STS: variants seen among roughly 807,000 people sequenced by gnomAD.
STS encodes steroid sulfatase, also known as steryl-sulfatase.
In STS, 7 loss-of-function variants were observed where a neutral mutation model predicts 26.8. That is an observed-to-expected ratio of 0.26 (90% confidence interval 0.15 to 0.49). The LOEUF (loss-of-function observed/expected upper bound fraction) is 0.49, where lower values mean the gene tolerates loss of function less well. Among genes scored for constraint, STS ranks in the 20% least tolerant of loss-of-function variants. The probability of loss-of-function intolerance (pLI) is 0.98; values close to 1 mark genes in which losing one functional copy is unlikely to be tolerated. For missense variants in STS, 434 were observed against 465.6 expected, an observed-to-expected ratio of 0.93 and a Z score of 0.63; for synonymous variants, 199 against 189.4, an observed-to-expected ratio of 1.05 and a Z score of -0.42.
intron 9 of STS, among the ~76,000 whole-genome samples, chrX:7,327,713 G>A (rs769157376): frequency 9.0e-5 from 10 of 111,146 alleles, no homozygotes; most frequent in Admixed American, 4.8e-4. Context: ...TCACTGCAGG[G>A]TAAGCGTTGA....
chrX:7,171,135 G>A (rs767727388), intron 1 of STS, among the ~76,000 whole-genome samples: 1 of 111,583 alleles, frequency 9.0e-6, no homozygotes, highest in African/African-American at 3.3e-5. Context: ...GTCGCCACCT[G>A]TTGGTAGCTC....
intron 2 of STS, among the ~76,000 whole-genome samples, chrX:7,193,902 ATAT>A (rs758979587): frequency 1.2e-4 from 13 of 110,838 alleles, no homozygotes; most frequent in East Asian, 8.5e-4. Flanking sequence ...TAATAGGAAA[ATAT>A]TATTATTATT....
intron 1 of STS, among the ~76,000 whole-genome samples, chrX:7,169,659 A>C (rs957754470): frequency 8.9e-6 from 1 of 112,092 alleles, no homozygotes; most frequent in African/African-American, 3.2e-5. Flanking sequence ...CATTACAGAC[A>C]ATTCTCACCT....
At chrX:7,218,814 T>G (rs776789904) in intron 2 of STS, among the ~76,000 whole-genome samples, 2 of 112,114 alleles carry the variant, frequency 1.8e-5, no homozygotes, top group Non-Finnish European at 3.8e-5. Flanking sequence ...GCAACCTCTT[T>G]TTTTGTTTTG....
intron 6 of STS, among the ~76,000 whole-genome samples, chrX:7,268,329 A>C (rs1029491729): frequency 8.0e-5 from 9 of 111,953 alleles, no homozygotes; most frequent in African/African-American, 2.9e-4. Flanking sequence ...TGCTATCACC[A>C]TTTGGCACAG....
intron 2 of STS, among the ~76,000 whole-genome samples, chrX:7,214,318 C>T (rs1921149021): frequency 9.0e-6 from 1 of 111,605 alleles, no homozygotes; most frequent in Admixed American, 9.5e-5. Context: ...CTTTTCCTAA[C>T]TTTTCCATAA....
intron 2 of STS, among the ~76,000 whole-genome samples, chrX:7,197,324 A>G (rs1422654561): frequency 8.9e-6 from 1 of 111,847 alleles, no homozygotes; most frequent in Non-Finnish European, 1.9e-5. Context: ...AGTGCATCCT[A>G]CTGTTACAGG....
chrX:7,171,513 G>A (rs759118993), intron 1 of STS, among the ~76,000 whole-genome samples: 1 of 111,436 alleles, frequency 9.0e-6, no homozygotes, highest in Non-Finnish European at 1.9e-5. Flanking sequence ...GTTATCCTTG[G>A]GTTTACTGGA....
intron 6 of STS, among the ~76,000 whole-genome samples, chrX:7,271,000 T>TC (rs768825020): frequency 2.8e-5 from 3 of 106,478 alleles, no homozygotes; most frequent in South Asian, 7.9e-4. Flanking sequence ...TTCTTCTTCT[T>TC]TTTTTTTTTT....
At chrX:7,188,117 G>A (rs140161616) in intron 1 of STS, among the ~76,000 whole-genome samples, 1 of 112,097 alleles carries the variant, frequency 8.9e-6, no homozygotes, top group Non-Finnish European at 1.9e-5. Context: ...CATATAACTT[G>A]TGATAGTAAC....
At chrX:7,205,347 T>G (rs761892168) in intron 2 of STS, among the ~76,000 whole-genome samples, 1 of 112,131 alleles carries the variant, frequency 8.9e-6, no homozygotes, top group South Asian at 3.7e-4. Context: ...GTGACAACTC[T>G]ATGCTGTGGT....
intron 7 of STS, among the ~76,000 whole-genome samples, chrX:7,297,738 T>C (rs1255834378): frequency 5.4e-5 from 6 of 112,092 alleles, no homozygotes; most frequent in African/African-American, 1.9e-4. Context: ...AGGATGATTC[T>C]CCATCATCTA....
rs1032011275 is a variant in STS at position 7,177,605 on chromosome X, T to C, written c.-133-13275T>C. Among the ~76,000 whole-genome samples, 7 of 108,804 alleles carry C rather than the reference T, an allele frequency of 6.4e-5. No homozygotes were observed. The South Asian group carries it at 1.6e-3, about 25-fold the overall frequency. 94.5% of individuals were successfully genotyped at this position (108,804 alleles called of 115,157 possible). The stretch of plus-strand genomic sequence containing the variant: ...TCAGCTCACTGCAACCTCTGCCTCC[T>C]GGGTTCAAGTGATTCTCGTGCCTCA... On this transcript the variant is annotated intron_variant, in intron 1 of 10. Coordinates refer to ENST00000674429, the MANE Select transcript of STS (RefSeq NM_001320752.2).
At position 7,148,891 on chromosome X, in the gene STS, G is replaced by A. The variant is rs1444225563; in HGVS notation, c.-134+808G>A. ...TTCTTAGGTATCATCTGTCTTTTGG[G>A]CTGCTCTGAGTTTTCTTTCTTTTTT... On this transcript the variant is annotated intron_variant, in intron 1 of 10. Transcript: ENST00000674429. Among the ~76,000 whole-genome samples, 4 of 111,968 alleles carry A rather than the reference G, an allele frequency of 3.6e-5. No individual in the cohort carries two copies. The Admixed American group carries it at 3.8e-4, about 11-fold the overall frequency.
At position 7,340,559 on chromosome X, in the gene STS, C is replaced by G. The variant is rs773028480; in HGVS notation, c.1363+6452C>G. ...TGACAGTAAACACTGATGTTTGTTG[C>G]ATATTTACTGTCTGCCCGACAGTTT... On this transcript the variant is annotated intron_variant, in intron 10 of 10. Transcript: ENST00000674429. 2.7e-5 allele frequency among the ~76,000 whole-genome samples: 3 copies of G among 111,986 alleles called. No individual in the cohort carries two copies. The Admixed American group carries it at 2.9e-4, about 11-fold the overall frequency.
chrX:7,239,907 G>A (rs1922511268), intron 2 of STS, among the ~76,000 whole-genome samples: 1 of 97,980 alleles, frequency 1.0e-5, no homozygotes, highest in African/African-American at 3.8e-5. Flanking sequence ...TTGAGACCGA[G>A]TGTCACTCAC....
chrX:7,340,674 AC>A (rs1313706903), intron 10 of STS, among the ~76,000 whole-genome samples: 2 of 112,067 alleles, frequency 1.8e-5, no homozygotes, highest in African/African-American at 6.5e-5. Flanking sequence ...ATAAAAAAAA[AC>A]AGTAGTTTAC....
At chrX:7,204,404 TTCA>T (rs1934144185) in intron 2 of STS, among the ~76,000 whole-genome samples, 1 of 111,471 alleles carries the variant, frequency 9.0e-6, no homozygotes, top group South Asian at 3.7e-4. Context: ...TGTTTTCTCA[TTCA>T]TCATTTGTCT....
intron 1 of STS, among the ~76,000 whole-genome samples, chrX:7,175,006 T>A (rs759837894): frequency 2.7e-5 from 3 of 110,819 alleles, no homozygotes; most frequent in Non-Finnish European, 5.7e-5. Context: ...TCAGAATTGA[T>A]CTTTTCATTG....
Sources: gnomAD v4.1 joint callset for allele counts (sites outside exome capture counted in the v4.1 genomes callset) on GRCh38, gnomAD v4.1.1 for gene constraint, MANE v1.5 for transcripts, NCBI Gene and HGNC (gene_info 2026-07-23, HGNC 2026-07-21) for gene names.